The following NAV2 variants were observed in gnomAD, a reference collection of about 807,000 sequenced individuals.
The protein encoded by NAV2 is helicase, APC down-regulated 1.
Under a neutral mutation model 223.2 loss-of-function variants are expected in NAV2, and 54 were observed. That is an observed-to-expected ratio of 0.24 (90% CI 0.19 to 0.30). The LOEUF (loss-of-function observed/expected upper bound fraction) is 0.30, where lower values mean the gene tolerates loss of function less well. Among genes scored for constraint, NAV2 ranks in the 10% least tolerant of loss-of-function variants. The pLI, the probability that NAV2 is intolerant of heterozygous loss-of-function variation, is 1.00. For missense variants in NAV2, 2,806 were observed against 3,147.5 expected (o/e 0.89, Z 2.60); for synonymous variants, 1,279 against 1,239.3 (o/e 1.03, Z -0.67).
At chr11:19,404,394 C>T (rs946062542) in intron 1 of NAV2, among the ~76,000 whole-genome samples, 1 of 152,154 alleles carries the variant, frequency 6.6e-6, no homozygotes, top group African/African-American at 2.4e-5. Context: ...GGTGAGTTCT[C>T]CTCTCTCCAG....
At chr11:19,562,386 T>G (rs2134781304) in intron 1 of NAV2, among the ~76,000 whole-genome samples, 1 of 152,238 alleles carries the variant, frequency 6.6e-6, no homozygotes, top group South Asian at 2.1e-4. Flanking sequence ...CTCAAGCTTT[T>G]GGGGCATCTC....
intron 6 of NAV2, among the ~76,000 whole-genome samples, chr11:19,900,012 G>T (rs948450381): frequency 9.9e-5 from 15 of 152,140 alleles, no homozygotes; most frequent in African/African-American, 2.7e-4. Flanking sequence ...GGTGTCGGTT[G>T]GTTAGAGTGG....
chr11:19,673,813 G>A (rs1020683321), intron 1 of NAV2, among the ~76,000 whole-genome samples: 3 of 152,172 alleles, frequency 2.0e-5, no homozygotes, highest in Admixed American at 2.0e-4. Flanking sequence ...GGGCTCAGGG[G>A]CAGGGTCCCA....
At chr11:19,682,510 A>C (rs1445677656) in intron 1 of NAV2, among the ~76,000 whole-genome samples, 1 of 152,224 alleles carries the variant, frequency 6.6e-6, no homozygotes, top group East Asian at 1.9e-4. Flanking sequence ...GTATTGTGTC[A>C]GTCCATTTGT....
intron 1 of NAV2, among the ~76,000 whole-genome samples, chr11:19,517,728 G>A (rs113695825): frequency 6.7e-4 from 102 of 152,334 alleles, no homozygotes; most frequent in African/African-American, 2.3e-3. Context: ...CTCAGTCAGG[G>A]TTCTGTGGTT....
chr11:19,668,644 A>G (rs549524635), intron 1 of NAV2, among the ~76,000 whole-genome samples: 57 of 151,044 alleles, frequency 3.8e-4, no homozygotes, highest in African/African-American at 1.3e-3. Flanking sequence ...GGTGGGGCAC[A>G]CTTTTCCTGT....
At chr11:19,616,869 G>A (rs1317619894) in intron 1 of NAV2, among the ~76,000 whole-genome samples, 1 of 152,054 alleles carries the variant, frequency 6.6e-6, no homozygotes, top group Non-Finnish European at 1.5e-5. Context: ...AAGAGCATGA[G>A]GCTTTGGTGT....
chr11:19,397,418 T>TGTGTGTGTGCGCGCGC (rs57566081), intron 1 of NAV2, among the ~76,000 whole-genome samples: 2 of 145,264 alleles, frequency 1.4e-5, no homozygotes, highest in African/African-American at 5.2e-5. Context: ...TGTGTGTGTG[T>TGTGTGTGTGCGCGCGC]GCGCGCATGT....
At chr11:19,925,522 G>A (rs565970005) in intron 6 of NAV2, among the ~76,000 whole-genome samples, 4 of 152,280 alleles carry the variant, frequency 2.6e-5, no homozygotes, top group South Asian at 2.1e-4. Flanking sequence ...AGACTGAGGC[G>A]GGTAGATCAC....
upstream of NAV2, among the ~76,000 whole-genome samples, chr11:19,708,836 C>T (rs1191158646): frequency 6.8e-6 from 1 of 146,058 alleles, no homozygotes; most frequent in Non-Finnish European, 1.5e-5. Context: ...GAATGGTTGT[C>T]AAAGTTGGAA....
intron 1 of NAV2, among the ~76,000 whole-genome samples, chr11:19,485,195 T>C (rs2042402762): frequency 6.6e-6 from 1 of 152,166 alleles, no homozygotes; most frequent in South Asian, 2.1e-4. Flanking sequence ...AACTGTGTCC[T>C]TAGGCAAGTT....
At chr11:19,502,646 T>A (rs1266901144) in intron 1 of NAV2, 1 of 152,194 alleles carries the variant, frequency 6.6e-6, no homozygotes, top group African/African-American at 2.4e-5. Flanking sequence ...TCTTACTGCA[T>A]AACAAATCAC....
intron 1 of NAV2, among the ~76,000 whole-genome samples, chr11:19,701,018 A>G (rs2049497790): frequency 6.6e-6 from 1 of 152,212 alleles, no homozygotes. Context: ...TTTGTGAAAT[A>G]GTCGTCATCA....
At chr11:19,896,288 A>G (rs557148218) in intron 6 of NAV2, among the ~76,000 whole-genome samples, 4 of 152,274 alleles carry the variant, frequency 2.6e-5, no homozygotes, top group East Asian at 3.9e-4. Context: ...ATCTTGCAAA[A>G]TTGAAACTCG....
chr11:19,985,491 A>G lies in NAV2; in HGVS notation c.2768+1244A>G, dbSNP rs982002697. On this transcript the variant is annotated intron_variant, in intron 11 of 37. Coordinates refer to ENST00000349880, the MANE Select transcript of NAV2 (RefSeq NM_145117.5). ...CAAGTCAGATTTTTTCCTGTAATTA[A>G]CAAAGAAAGGAATGGGTTTGAAAAG... 2.0e-5 allele frequency among the ~76,000 whole-genome samples: 3 copies of G among 152,168 alleles called. No homozygotes were observed. In the South Asian group the frequency reaches 6.2e-4, roughly 32 times the overall value.
chr11:19,471,951 C>A (rs572276892), intron 1 of NAV2, among the ~76,000 whole-genome samples: 14 of 152,336 alleles, frequency 9.2e-5, no homozygotes, highest in South Asian at 8.3e-4. Flanking sequence ...CCCAAAACTT[C>A]AGATCTGTTG....
chr11:19,431,269 G>A (rs1294775445), intron 1 of NAV2, among the ~76,000 whole-genome samples: 2 of 152,180 alleles, frequency 1.3e-5, no homozygotes, highest in African/African-American at 4.8e-5. Flanking sequence ...GAGCAAGAAG[G>A]TAAGCGAAGG....
chr11:19,362,535 C>T (rs886955339), intron 1 of NAV2, among the ~76,000 whole-genome samples: 5 of 152,124 alleles, frequency 3.3e-5, no homozygotes, highest in African/African-American at 9.7e-5. Context: ...ACCAGGAGTA[C>T]ACAGACCTGT....
At chr11:19,962,826 A>G (rs140817089) in intron 10 of NAV2, among the ~76,000 whole-genome samples, 221 of 152,268 alleles carry the variant, frequency 1.5e-3, no homozygotes, top group African/African-American at 5.2e-3. Context: ...CTACCTATAA[A>G]TCAAGCCCAC....
Sources: allele counts gnomAD v4.1 joint callset (sites outside exome capture counted in the v4.1 genomes callset), GRCh38; gene constraint gnomAD v4.1.1; transcripts MANE v1.5; gene names NCBI Gene and HGNC (gene_info 2026-07-23, HGNC 2026-07-21).